Variants in HDAC3 observed in about 807,000 individuals in gnomAD.
The protein encoded by HDAC3 is histone deacetylase 3.
Under a neutral mutation model 62.3 loss-of-function variants are expected in HDAC3, and 21 were observed. The observed-to-expected ratio is 0.34, with a 90% CI of 0.24 to 0.49. The LOEUF is 0.49. HDAC3 is among the 20% of genes least tolerant of loss of function. The probability of loss-of-function intolerance (pLI) is 0.99; values close to 1 mark genes in which losing one functional copy is unlikely to be tolerated. For missense variants in HDAC3, 270 were observed against 556.9 expected (o/e 0.48, Z 5.19); for synonymous variants, 198 against 206.5 (o/e 0.96, Z 0.35).
chr5:141,636,669 C>T lies in HDAC3; in HGVS notation c.56-39G>A. ...GAAGAGAGTTCGTCAGCTCTCACCC[C>T]TGGAGTTGCAACCCCGCCTCAAAAC... On this transcript the variant is annotated intron_variant, in intron 1 of 14. Transcript: ENST00000305264. The T allele has an allele frequency of 1.9e-6, 3 of 1,613,234 alleles. No homozygotes were observed. In the South Asian group the frequency reaches 3.3e-5, roughly 18 times the overall value.
rs2099903667 is a variant in HDAC3, at chr5:141,621,278, T to C, written c.*190A>G. Reference sequence around the variant, plus strand: ...TGTATCTCATCCCTAATAGGTACCATTGTCAGGCCTTGGGAGAGAGAGGAA... The same window carrying C: ...TGTATCTCATCCCTAATAGGTACCACTGTCAGGCCTTGGGAGAGAGAGGAA... On this transcript the variant is annotated 3_prime_UTR_variant, in exon 15 of 15. Transcript: ENST00000305264. The C allele has an allele frequency of 4.9e-6, 3 of 610,762 alleles. No individual in the cohort carries two copies. The highest frequency in any genetic ancestry group is 1.8e-5 in the South Asian group (1 of 56,230). 37.8% of individuals were successfully genotyped at this position (610,762 alleles called of 1,614,324 possible).
In HDAC3 at chr5:141,636,735, C is replaced by T; in HGVS notation, c.55+1G>A. On this transcript the variant is annotated splice_donor_variant, in intron 1 of 14. Coordinates refer to ENST00000305264, the MANE Select transcript of HDAC3 (RefSeq NM_003883.4). LOFTEE classifies it high-confidence loss of function. Reference sequence around the variant, plus strand: ...CCTCATGCATATCCCTGTTTCCTCACCGTAGTGGAAGTTGCCCACGTCGGG... The same window carrying T: ...CCTCATGCATATCCCTGTTTCCTCATCGTAGTGGAAGTTGCCCACGTCGGG... The T allele has an allele frequency of 6.2e-7, 1 of 1,614,114 alleles. No homozygotes were observed. The highest frequency in any genetic ancestry group is 8.5e-7 in the Non-Finnish European group (1 of 1,179,936).
In HDAC3 at chr5:141,629,625, GAGAGACCTCCTCAGCCA is replaced by G; in HGVS notation, c.476+42_476+58del. 6.5e-7 allele frequency: 1 copy of G among 1,545,134 alleles called. No homozygotes were observed. Among genetic ancestry groups the G allele is most frequent in the South Asian group, 1.1e-5 (1 of 89,524 alleles). ...GGAGGTCAAGGTCAGGGTTGAGACT[GAGAGACCTCCTCAGCCA>G]AGAATCCCGTAACTGCCCCCATCTC... On this transcript the variant is annotated intron_variant, in intron 6 of 14. Coordinates refer to ENST00000305264, the MANE Select transcript of HDAC3 (RefSeq NM_003883.4). The surrounding 1 kb of genome is among the most constrained non-coding windows in gnomAD (Gnocchi z 5.3).
At chr5:141,624,303 G>A (rs1478812300) in intron 14 of HDAC3, among the ~76,000 whole-genome samples, 1 of 145,882 alleles carries the variant, frequency 6.9e-6, no homozygotes, top group Admixed American at 7.0e-5. Context: ...TGGAAGGCTG[G>A]GGCAGGAGGA....
chr5:141,622,460 C>T (rs886108662), intron 14 of HDAC3, among the ~76,000 whole-genome samples: 7 of 151,940 alleles, frequency 4.6e-5, no homozygotes, highest in Non-Finnish European at 1.0e-4. Context: ...TAAAGTTAGC[C>T]GGGTGTGGTG....
chr5:141,633,866 T>C (rs1286309352), intron 3 of HDAC3, among the ~76,000 whole-genome samples: 1 of 148,490 alleles, frequency 6.7e-6, no homozygotes, highest in African/African-American at 2.5e-5. Flanking sequence ...CATTTGCTCA[T>C]AAGCGTTGAA....
Position 141,629,581 on chromosome 5 carries a change from G to T in HDAC3, c.476+103C>A. 8.5e-7 allele frequency: 1 copy of T among 1,177,550 alleles called. No homozygotes were observed. The highest frequency in any genetic ancestry group is 1.2e-6 in the Non-Finnish European group (1 of 807,630). 72.9% of individuals were successfully genotyped at this position (1,177,550 alleles called of 1,614,324 possible). On this transcript the variant is annotated intron_variant, in intron 6 of 14. Coordinates refer to ENST00000305264, the MANE Select transcript of HDAC3 (RefSeq NM_003883.4). The surrounding 1 kb of genome is among the most constrained non-coding windows in gnomAD (Gnocchi z 5.3). ...TGAATAAAGCATCAAGAACTTGGGAGAAGCTAATCAGGGAGGAGGGAGGTC... is the reference window on the plus strand; with the variant it reads ...TGAATAAAGCATCAAGAACTTGGGATAAGCTAATCAGGGAGGAGGGAGGTC...
In HDAC3 at chr5:141,629,028, A is replaced by G; in HGVS notation, c.610+145T>C. 1 of 730,068 alleles carries G rather than the reference A, an allele frequency of 1.4e-6. No individual in the cohort carries two copies. Among genetic ancestry groups the G allele is most frequent in the Non-Finnish European group, 2.3e-6 (1 of 438,346 alleles). 45.2% of individuals were successfully genotyped at this position (730,068 alleles called of 1,614,324 possible). On this transcript the variant is annotated intron_variant, in intron 7 of 14. Coordinates refer to ENST00000305264, the MANE Select transcript of HDAC3 (RefSeq NM_003883.4). This position sits in a 1 kb window ranked among gnomAD's most constrained non-coding sequence, Gnocchi z 5.3. ...AGGCTGATGTAACAGAGGAATGGGG[A>G]AGGAGGTGATTATGATAACTGGAGT... is the stretch of plus-strand genomic sequence containing the variant.
Position 141,625,400 on chromosome 5 carries a change from T to G in HDAC3, c.1060-35A>C. The stretch of plus-strand genomic sequence containing the variant: ...AATGAGGAATACAGAGTGAGCAGTT[T>G]CCAGAGATTCCCAGGACATGGAATC... On this transcript the variant is annotated intron_variant, in intron 13 of 14. Coordinates refer to ENST00000305264, the MANE Select transcript of HDAC3 (RefSeq NM_003883.4). This position sits in a 1 kb window ranked among gnomAD's most constrained non-coding sequence, Gnocchi z 4.0. 1 of 1,609,708 alleles carries G rather than the reference T, an allele frequency of 6.2e-7. No individual in the cohort carries two copies. The highest frequency in any genetic ancestry group is 8.5e-7 in the Non-Finnish European group (1 of 1,176,980).
Position 141,625,338 on chromosome 5 carries a change from A to G in HDAC3, c.1087T>C (p.Phe363Leu). ...TGGTTCAGCATCTTCAGGTTTTCAA[A>G]GATTGTCTGGCGGATCTGGTCCAGA... ...QYLDQIRQTI[F>L]ENLKMLNHAP... Residue 363 changes from phenylalanine to leucine, a missense_variant, in exon 14 of 15, where the codon TTT (phenylalanine) becomes CTT (leucine). Transcript: ENST00000305264. The surrounding 1 kb of genome is among the most constrained non-coding windows in gnomAD (Gnocchi z 4.0). 1 of 1,614,144 alleles carries G rather than the reference A, an allele frequency of 6.2e-7. No homozygotes were observed. The highest frequency in any genetic ancestry group is 1.1e-5 in the South Asian group (1 of 91,082).
Position 141,629,003 on chromosome 5 carries a change from A to T in HDAC3, c.610+170T>A, listed in dbSNP as rs2099904844. On this transcript the variant is annotated intron_variant, in intron 7 of 14. Transcript: ENST00000305264. The surrounding 1 kb of genome is among the most constrained non-coding windows in gnomAD (Gnocchi z 5.3). ...AGTGAGTGTTCTGAGGGAAACAATG[A>T]GGCTGATGTAACAGAGGAATGGGGA... Among the ~76,000 whole-genome samples the T allele has an allele frequency of 6.6e-6, 1 of 152,216 alleles. No homozygotes were observed. Among genetic ancestry groups the T allele is most frequent in the South Asian group, 2.1e-4 (1 of 4,838 alleles).
At chr5:141,622,182 G>C (rs779435781) in intron 14 of HDAC3, among the ~76,000 whole-genome samples, 1 of 152,216 alleles carries the variant, frequency 6.6e-6, no homozygotes, top group Non-Finnish European at 1.5e-5. Context: ...TTTCTTCTAA[G>C]TGCAAGGTAA....
intron 2 of HDAC3, chr5:141,636,034 A>C (rs1269701705): frequency 6.4e-6 from 1 of 157,024 alleles, no homozygotes; most frequent in Non-Finnish European, 1.4e-5. Context: ...TTCCAGGCTG[A>C]AAAAGGAATA....
In HDAC3 at chr5:141,628,288, G is replaced by A. The variant is rs1257743698; in HGVS notation, c.692-101C>T. ...TGAGCGAGCATGTAGCCCAGGAAAG[G>A]GGCCACCCAAAAGAATCAAATCACT... On this transcript the variant is annotated intron_variant, in intron 8 of 14. Transcript: ENST00000305264. This position sits in a 1 kb window ranked among gnomAD's most constrained non-coding sequence, Gnocchi z 4.7. 2 of 985,916 alleles carry A rather than the reference G, an allele frequency of 2.0e-6. No individual in the cohort carries two copies. Among genetic ancestry groups the A allele is most frequent in the Non-Finnish European group, 3.2e-6 (2 of 630,532 alleles). 61.1% of individuals were successfully genotyped at this position (985,916 alleles called of 1,614,324 possible).
In HDAC3 at chr5:141,628,239, AG is replaced by A. The variant is rs2099904719; in HGVS notation, c.692-53del. The A allele has an allele frequency of 6.8e-7, 1 of 1,479,032 alleles. No individual in the cohort carries two copies. Among genetic ancestry groups the A allele is most frequent in the Non-Finnish European group, 9.5e-7 (1 of 1,057,616 alleles). The allele number at this position is 1,479,032 out of a possible 1,614,324, so 91.6% of individuals were successfully genotyped here. ...TGGCACCCCAAGGGGATGGGGAGAC[AG>A]GGAACAAAAGGAAAAAGGGGGTTGA... On this transcript the variant is annotated intron_variant, in intron 8 of 14. Coordinates refer to ENST00000305264, the MANE Select transcript of HDAC3 (RefSeq NM_003883.4). The surrounding 1 kb of genome is among the most constrained non-coding windows in gnomAD (Gnocchi z 4.7).
rs770349735 is a variant in HDAC3, at chr5:141,628,641, TG to T, written c.611-3del. On this transcript the variant is annotated splice_region_variant and splice_polypyrimidine_tract_variant and intron_variant, in intron 7 of 14. Coordinates refer to ENST00000305264, the MANE Select transcript of HDAC3 (RefSeq NM_003883.4). This position sits in a 1 kb window ranked among gnomAD's most constrained non-coding sequence, Gnocchi z 4.7. Reference sequence around the variant, plus strand: ...CTGCCCCGACTTCATACATGTCACCTGTAGGGAAGTGGGTGGTGGTAGCCAC... The same window carrying T: ...CTGCCCCGACTTCATACATGTCACCTTAGGGAAGTGGGTGGTGGTAGCCAC... 2.5e-6 allele frequency: 4 copies of T among 1,613,056 alleles called. No individual in the cohort carries two copies. In the South Asian group the frequency reaches 4.4e-5, roughly 18 times the overall value.
At chr5:141,631,849 C>G (rs1159392321) in intron 3 of HDAC3, among the ~76,000 whole-genome samples, 1 of 152,066 alleles carries the variant, frequency 6.6e-6, no homozygotes, top group African/African-American at 2.4e-5. Context: ...GCACTTAGAA[C>G]AGTACCTAGT....
chr5:141,621,466 T>C lies in HDAC3; in HGVS notation c.*2A>G. On this transcript the variant is annotated 3_prime_UTR_variant, in exon 15 of 15. Transcript: ENST00000305264. ...CTTGGGACACAGCATCCCAAGCCACTCTTAAATCTCCACATCGCTTTCCTT... is the reference window on the plus strand; with the variant it reads ...CTTGGGACACAGCATCCCAAGCCACCCTTAAATCTCCACATCGCTTTCCTT... The C allele has an allele frequency of 6.2e-7, 1 of 1,613,634 alleles. No individual in the cohort carries two copies. Among genetic ancestry groups the C allele is most frequent in the African/African-American group, 1.3e-5 (1 of 75,018 alleles).
Position 141,628,664 on chromosome 5 carries a change from C to G in HDAC3, c.611-25G>C, listed in dbSNP as rs1197913130. On this transcript the variant is annotated intron_variant, in intron 7 of 14. Coordinates refer to ENST00000305264, the MANE Select transcript of HDAC3 (RefSeq NM_003883.4). The surrounding 1 kb of genome is among the most constrained non-coding windows in gnomAD (Gnocchi z 4.7). ...CCTGTAGGGAAGTGGGTGGTGGTAG[C>G]CACACATGGGAAGCACCCACAACCC... is the stretch of plus-strand genomic sequence containing the variant. 3 of 1,593,354 alleles carry G rather than the reference C, an allele frequency of 1.9e-6. No homozygotes were observed. The Admixed American group carries it at 5.0e-5, about 27-fold the overall frequency.
Sources: gnomAD v4.1 joint callset for allele counts (sites outside exome capture counted in the v4.1 genomes callset) on GRCh38, gnomAD v4.1.1 for gene constraint, Gnocchi (gnomAD v3.1) non-coding constraint, MANE v1.5 for transcripts, NCBI Gene and HGNC (gene_info 2026-07-23, HGNC 2026-07-21) for gene names.